SRXN1: variants seen among roughly 807,000 people sequenced by gnomAD.
SRXN1 encodes the protein sulfiredoxin 1.
A neutral mutation model predicts 11.0 loss-of-function variants in SRXN1; 11 were observed. That is an observed-to-expected ratio of 1.00 (90% confidence interval 0.63 to 1.65). The LOEUF is 1.65. Ranked by LOEUF, SRXN1 falls within the 40% of genes most tolerant of loss-of-function variation. The probability of loss-of-function intolerance (pLI) is 0.00; values close to 1 mark genes in which losing one functional copy is unlikely to be tolerated. For synonymous variants in SRXN1, 106 were observed against 92.8 expected (o/e 1.14, Z -0.82); for missense variants, 211 against 194.5 (o/e 1.08, Z -0.50).
chr20:653,119 C>T lies in SRXN1; in HGVS notation c.67G>A (p.Gly23Arg), dbSNP rs772752362. 102 of 1,336,882 alleles carry T rather than the reference C, an allele frequency of 7.6e-5. No individual in the cohort carries two copies. The highest frequency in any genetic ancestry group is 9.2e-5 in the Non-Finnish European group (96 of 1,049,080). The allele number at this position is 1,336,882 out of a possible 1,614,324, so 82.8% of individuals were successfully genotyped here. ...CCGCCCTGCGCGCCGCCGCTCGGCC[C>T]GGGCCCCTCGGGCGCCCCCCGACCC... ...GAGRGAPEGP[G>R]PSGGAQGGSI... The change falls in exon 1 of 2, where the codon GGG (glycine) becomes AGG (arginine). Residue 23 changes from glycine to arginine, a missense_variant. Gly to Arg is a moderately radical substitution (Grantham distance 125). Transcript: ENST00000381962.
At chr20:651,302 C>A (rs922940381) in intron 1 of SRXN1, among the ~76,000 whole-genome samples, 1 of 152,166 alleles carries the variant, frequency 6.6e-6, no homozygotes, top group Admixed American at 6.5e-5. Context: ...TGGTAACTTA[C>A]AGTGGCCCCA....
At position 648,893 on chromosome 20, in the gene SRXN1, TG is replaced by T; in HGVS notation, c.234del (p.Ile79SerfsTer47). On this transcript the variant is annotated frameshift_variant, in exon 2 of 2. Transcript: ENST00000381962. LOFTEE classifies it high-confidence loss of function. ...GCCCCTTTGATCCAGAGGACATCGA[TG>T]GGGGGCACGCTGTCTGGGTCCTCCT... ...TIREDPDSVP[P>X]IDVLWIKGAQ... 2 of 1,614,054 alleles carry T rather than the reference TG, an allele frequency of 1.2e-6. No homozygotes were observed.
rs747696690 is a variant in SRXN1, at chr20:648,893, T to A, written c.235A>T (p.Ile79Phe). 5.0e-6 allele frequency: 8 copies of A among 1,614,054 alleles called. No homozygotes were observed. Among genetic ancestry groups the A allele is most frequent in the Non-Finnish European group, 6.8e-6 (8 of 1,180,008 alleles). ...GCCCCTTTGATCCAGAGGACATCGA[T>A]GGGGGGCACGCTGTCTGGGTCCTCC... Reference protein sequence around the residue: ...IREDPDSVPPIDVLWIKGAQG... With the variant: ...IREDPDSVPPFDVLWIKGAQG... Residue 79 changes from isoleucine (I) to phenylalanine (F), a missense_variant, in exon 2 of 2, where the codon ATC (isoleucine) becomes TTC (phenylalanine). By Grantham distance (21) the Ile-to-Phe change is conservative. Coordinates refer to ENST00000381962, the MANE Select transcript of SRXN1 (RefSeq NM_080725.3).
intron 1 of SRXN1, among the ~76,000 whole-genome samples, chr20:649,213 C>G (rs1983613048): frequency 6.6e-6 from 1 of 152,154 alleles, no homozygotes; most frequent in Non-Finnish European, 1.5e-5. Flanking sequence ...TGTTGTAGAC[C>G]CTGGGAATAC....
chr20:653,143 C>G lies in SRXN1; in HGVS notation c.43G>C (p.Gly15Arg). The G allele has an allele frequency of 7.8e-7, 1 of 1,276,496 alleles. No individual in the cohort carries two copies. The highest frequency in any genetic ancestry group is 2.7e-5 in the South Asian group (1 of 37,730). The allele number at this position is 1,276,496 out of a possible 1,614,324, so 79.1% of individuals were successfully genotyped here. A position where few individuals can be genotyped will look rare whatever the true frequency, so the allele number is the denominator to read the frequency against. The change falls in exon 1 of 2, where the codon GGT becomes CGT. Residue 15 changes from glycine (G) to arginine (R), a missense_variant. Transcript: ENST00000381962. Reference sequence around the variant, plus strand: ...CCGGGCCCCTCGGGCGCCCCCCGACCCGCGCCGGCCCTGCCCAGCGTTCCT... The same window carrying G: ...CCGGGCCCCTCGGGCGCCCCCCGACGCGCGCCGGCCCTGCCCAGCGTTCCT... ...AGGTLGRAGA[G>R]RGAPEGPGPS...
chr20:648,817 G>A lies in SRXN1; in HGVS notation c.311C>T (p.Ala104Val), dbSNP rs1983602085. 6.2e-7 allele frequency: 1 copy of A among 1,614,096 alleles called. No individual in the cohort carries two copies. Among genetic ancestry groups the A allele is most frequent in the Admixed American group, 1.7e-5 (1 of 60,010 alleles). Reference sequence around the variant, plus strand: ...GGTCTCTCGCTGCAGTTGCTGGTAGGCCGCGTAGCGGTGGCAGCCCCCAAA... The same window carrying A: ...GGTCTCTCGCTGCAGTTGCTGGTAGACCGCGTAGCGGTGGCAGCCCCCAAA... ...YSFGGCHRYA[A>V]YQQLQRETIP... Residue 104 changes from alanine (A) to valine (V), a missense_variant, in exon 2 of 2, where the codon GCC becomes GTC. Transcript: ENST00000381962.
chr20:653,032 GC>G lies in SRXN1; in HGVS notation c.153del (p.Pro52ArgfsTer74). On this transcript the variant is annotated frameshift_variant, in exon 1 of 2. Transcript: ENST00000381962. LOFTEE classifies it high-confidence loss of function. ...VHNVPLSVLI[R>X]PLPSVLDPAK... ...GCGGGGTCCAACACGGACGGCAGCG[GC>G]CGGATGAGCACGCTCAGCGGCACGT... 1 of 1,570,620 alleles carries G rather than the reference GC, an allele frequency of 6.4e-7. No individual in the cohort carries two copies.
chr20:651,670 C>T (rs1237248770), intron 1 of SRXN1, among the ~76,000 whole-genome samples: 4 of 150,280 alleles, frequency 2.7e-5, no homozygotes, highest in Admixed American at 2.6e-4. Flanking sequence ...GGTGACAGAC[C>T]CAGACAACGT....
chr20:651,923 C>G (rs13039785), intron 1 of SRXN1, among the ~76,000 whole-genome samples: 36,552 of 152,166 alleles, frequency 0.24, 5,020 homozygotes, highest in Non-Finnish European at 0.32. Context: ...CTCAGCCAGG[C>G]GCCGTGCTAC....
At chr20:652,852 A>T (rs1983707695) in intron 1 of SRXN1, 124 bp downstream of exon 1, 1 of 1,290,204 alleles carries the variant, frequency 7.8e-7, no homozygotes, top group Non-Finnish European at 9.9e-7. Flanking sequence ...CACACAGCAG[A>T]GGCTGAGCTC....
intron 1 of SRXN1, among the ~76,000 whole-genome samples, chr20:649,961 G>A (rs907380839): frequency 6.6e-6 from 1 of 152,182 alleles, no homozygotes; most frequent in Non-Finnish European, 1.5e-5. Context: ...TGCTGTGTAT[G>A]ACCTGAGGGA....
At chr20:652,837 AAGGTCACACAGCAG>A in intron 1 of SRXN1, 125 bp downstream of exon 1, 1 of 1,262,096 alleles carries the variant, frequency 7.9e-7, no homozygotes, top group Non-Finnish European at 1.0e-6. Context: ...CTACTTGCTC[AAGGTCACACAGCAG>A]AGGCTGAGCT....
Position 647,842 on chromosome 20 carries a change from G to C in SRXN1, c.*872C>G. The C allele has an allele frequency of 2.9e-6, 1 of 349,748 alleles. No individual in the cohort carries two copies. The highest frequency in any genetic ancestry group is 5.6e-6 in the Non-Finnish European group (1 of 177,398). The allele number at this position is 349,748 out of a possible 1,614,324, so 21.7% of individuals were successfully genotyped here. ...GTTTGTTACACAGCAAAAGCTAACT[G>C]GTACACAATTCTGCATTTCTCTCTT... On this transcript the variant is annotated 3_prime_UTR_variant, in exon 2 of 2. Coordinates refer to ENST00000381962, the MANE Select transcript of SRXN1 (RefSeq NM_080725.3).
At position 653,009 on chromosome 20, in the gene SRXN1, G is replaced by A. The variant is rs748252819; in HGVS notation, c.177C>T (p.Pro59=). ...TGTCCACGAGGCTCTGCACCTTGGC[G>A]GGGTCCAACACGGACGGCAGCGGCC... ...LIRPLPSVLD[P]AKVQSLVDTI... The change falls in exon 1 of 2, where the codon CCC becomes CCT. Residue 59 remains proline (P), a synonymous_variant. Transcript: ENST00000381962. The A allele has an allele frequency of 6.4e-6, 10 of 1,570,844 alleles. No homozygotes were observed. Among genetic ancestry groups the A allele is most frequent in the Non-Finnish European group, 7.8e-6 (9 of 1,160,968 alleles).
intron 1 of SRXN1, among the ~76,000 whole-genome samples, chr20:651,556 C>A (rs866300814): frequency 3.9e-5 from 6 of 151,960 alleles, no homozygotes; most frequent in African/African-American, 1.5e-4. Context: ...TGGTGGTGGG[C>A]GCCTGTAATC....
At chr20:650,186 A>C (rs964000490) in intron 1 of SRXN1, among the ~76,000 whole-genome samples, 10 of 152,140 alleles carry the variant, frequency 6.6e-5, no homozygotes, top group Non-Finnish European at 1.0e-4. Flanking sequence ...ACATGATCTG[A>C]TGCATGTTCT....
rs945590100 is a variant in SRXN1 at position 648,348 on chromosome 20, T to C, written c.*366A>G. The C allele has an allele frequency of 4.2e-6, 2 of 479,280 alleles. No homozygotes were observed. The highest frequency in any genetic ancestry group is 4.6e-5 in the Admixed American group (2 of 43,192). The allele number at this position is 479,280 out of a possible 1,614,324, so 29.7% of individuals were successfully genotyped here. Reference sequence around the variant, plus strand: ...GTTTAAACCACTGCAATCAAGGTTTTCCTTTCCTTGCAGCTGAATGTAGTC... The same window carrying C: ...GTTTAAACCACTGCAATCAAGGTTTCCCTTTCCTTGCAGCTGAATGTAGTC... On this transcript the variant is annotated 3_prime_UTR_variant, in exon 2 of 2. Coordinates refer to ENST00000381962, the MANE Select transcript of SRXN1 (RefSeq NM_080725.3).
chr20:649,635 G>A (rs1171825254), intron 1 of SRXN1, among the ~76,000 whole-genome samples: 1 of 151,902 alleles, frequency 6.6e-6, no homozygotes, highest in Non-Finnish European at 1.5e-5. Context: ...CCAGGAGGCG[G>A]AGGTTGCAGT....
At chr20:652,243 C>A (rs925828217) in intron 1 of SRXN1, among the ~76,000 whole-genome samples, 1 of 152,002 alleles carries the variant, frequency 6.6e-6, no homozygotes, top group Admixed American at 6.5e-5. Context: ...TCGGGGGTGG[C>A]TGTAGAGGTG....
Sources: allele counts gnomAD v4.1 joint callset (sites outside exome capture counted in the v4.1 genomes callset), GRCh38; gene constraint gnomAD v4.1.1; transcripts MANE v1.5; gene names NCBI Gene and HGNC (gene_info 2026-07-23, HGNC 2026-07-21).